The following ZNF85 variants were observed in gnomAD, a reference collection of about 807,000 sequenced individuals.
ZNF85 encodes the protein zinc finger protein 85 (HPF4, HTF1).
Under a neutral mutation model 53.9 loss-of-function variants are expected in ZNF85, and 50 were observed. The ratio of observed to expected loss-of-function variants is 0.93; its 90% CI spans 0.74 to 1.17. The LOEUF is 1.17. Among genes scored for constraint, ZNF85 ranks in the 50% most tolerant of loss-of-function variants. The probability of loss-of-function intolerance (pLI) is 0.00; values close to 1 mark genes in which losing one functional copy is unlikely to be tolerated. For missense variants in ZNF85, 747 were observed against 688.5 expected (o/e 1.08, Z -0.95); for synonymous variants, 225 against 226.1 (o/e 1.00, Z 0.04).
intron 1 of ZNF85, among the ~76,000 whole-genome samples, chr19:20,932,209 A>G (rs2161459): frequency 0.8 from 121,279 of 152,006 alleles, 48,584 homozygotes; most frequent in Non-Finnish European, 0.83. Context: ...AAAAGGAGGA[A>G]AAAGAGGAAA....
chr19:20,939,190 C>T (rs1474922551), intron 3 of ZNF85, among the ~76,000 whole-genome samples: 1 of 152,086 alleles, frequency 6.6e-6, no homozygotes, highest in African/African-American at 2.4e-5. Context: ...TATTGCAAAC[C>T]AGAGTTTAGG....
chr19:20,926,339 T>C (rs1263155485), intron 1 of ZNF85, among the ~76,000 whole-genome samples: 2 of 152,216 alleles, frequency 1.3e-5, no homozygotes, highest in East Asian at 3.8e-4. Flanking sequence ...CATGACTAAT[T>C]GTTTACTACA....
intron 1 of ZNF85, among the ~76,000 whole-genome samples, chr19:20,930,956 G>A (rs2144613302): frequency 6.6e-6 from 1 of 152,236 alleles, no homozygotes; most frequent in Middle Eastern, 3.4e-3. Flanking sequence ...TGTATTTTTA[G>A]TAGAGACTGC....
chr19:20,935,114 A>G (rs1055997049), intron 3 of ZNF85, 67 bp downstream of exon 3: 22 of 1,026,144 alleles, frequency 2.1e-5, no homozygotes, highest in Non-Finnish European at 4.3e-6. Context: ...AGAGAAAGCC[A>G]GTCCTTAAAA....
chr19:20,924,043 C>G (rs1016172857), intron 1 of ZNF85, among the ~76,000 whole-genome samples: 2 of 150,930 alleles, frequency 1.3e-5, no homozygotes, highest in African/African-American at 4.9e-5. Flanking sequence ...CTACATCGCG[C>G]CACTGCACTC....
chr19:20,950,361 C>T lies in ZNF85; in HGVS notation c.*59C>T. ...CTTACTAAACATAAGAAAATTTATACTGGAGAGAAACTACTAACCTGAAAG... is the reference window on the plus strand; with the variant it reads ...CTTACTAAACATAAGAAAATTTATATTGGAGAGAAACTACTAACCTGAAAG... On this transcript the variant is annotated 3_prime_UTR_variant, in exon 4 of 4. Coordinates refer to ENST00000328178, the MANE Select transcript of ZNF85 (RefSeq NM_003429.5). 8.1e-7 allele frequency: 1 copy of T among 1,235,772 alleles called. No homozygotes were observed. The highest frequency in any genetic ancestry group is 1.1e-6 in the Non-Finnish European group (1 of 904,820). 76.6% of individuals were successfully genotyped at this position (1,235,772 alleles called of 1,614,324 possible).
chr19:20,937,096 G>A (rs528779280), intron 3 of ZNF85: 63 of 255,274 alleles, frequency 2.5e-4, no homozygotes, highest in Non-Finnish European at 8.0e-5. Context: ...GCAGTGGCAC[G>A]ATCTCGGCTC....
At chr19:20,926,661 C>G (rs1283662013) in intron 1 of ZNF85, 1 of 152,144 alleles carries the variant, frequency 6.6e-6, no homozygotes, top group Non-Finnish European at 1.5e-5. Flanking sequence ...CCTGCTCACC[C>G]CAGCCATGGA....
chr19:20,940,755 G>A (rs1425414026), intron 3 of ZNF85, among the ~76,000 whole-genome samples: 2 of 151,878 alleles, frequency 1.3e-5, no homozygotes, highest in East Asian at 1.9e-4. Context: ...GAATAATATA[G>A]TATCTATAAT....
chr19:20,947,966 A>G lies in ZNF85; in HGVS notation c.230-778A>G, dbSNP rs192733503. Among the ~76,000 whole-genome samples, 284 of 152,092 alleles carry G rather than the reference A, an allele frequency of 1.9e-3. 4 individuals carry two copies. Among genetic ancestry groups the G allele is most frequent in the African/African-American group, 6.4e-3 (265 of 41,534 alleles). ...AAATTTTTATGTTTCTGATGGGGCT[A>G]TGTTGCCCCAATATTTTTATATGTT... On this transcript the variant is annotated intron_variant, in intron 3 of 3. Coordinates refer to ENST00000328178, the MANE Select transcript of ZNF85 (RefSeq NM_003429.5).
intron 3 of ZNF85, among the ~76,000 whole-genome samples, chr19:20,948,018 T>A (rs1052160666): frequency 6.6e-6 from 1 of 152,086 alleles, no homozygotes; most frequent in African/African-American, 2.4e-5. Flanking sequence ...ATTTAGACAT[T>A]AAAAACAAAC....
chr19:20,949,684 A>G lies in ZNF85; in HGVS notation c.1170A>G (p.Ile390Met). The G allele has an allele frequency of 6.2e-7, 1 of 1,613,350 alleles. No individual in the cohort carries two copies. The highest frequency in any genetic ancestry group is 8.5e-7 in the Non-Finnish European group (1 of 1,179,568). The part of the protein sequence containing the change: ...NHFSHLTTHK[I>M]IHTGEKPYKC... ...TCTCACACCTTACTACACATAAGAT[A>G]ATTCATACTGGAGAGAAACCTTACA... Residue 390 changes from isoleucine to methionine, a missense_variant, in exon 4 of 4, where the codon ATA becomes ATG. By Grantham distance (10) the Ile-to-Met change is conservative (BLOSUM62 1). Transcript: ENST00000328178.
chr19:20,931,774 A>T (rs1168172617), intron 1 of ZNF85, among the ~76,000 whole-genome samples: 2 of 151,456 alleles, frequency 1.3e-5, no homozygotes, highest in African/African-American at 2.4e-5. Context: ...CGCCTGGCTA[A>T]TTTTTTCTAT....
intron 3 of ZNF85, chr19:20,943,624 TG>T (rs1169514750): frequency 2.0e-5 from 3 of 152,202 alleles, no homozygotes; most frequent in Non-Finnish European, 2.9e-5. Flanking sequence ...TCTGTAACGT[TG>T]TCTAAGTTTT....
In ZNF85 at chr19:20,949,703, C is replaced by T; in HGVS notation, c.1189C>T (p.Pro397Ser). The change falls in exon 4 of 4, where the codon CCT (proline) becomes TCT (serine). Residue 397 changes from proline (P) to serine (S), a missense_variant. Transcript: ENST00000328178. ...TAAGATAATTCATACTGGAGAGAAA[C>T]CTTACAAATGTAAAGAATGTGGTAA... ...THKIIHTGEK[P>S]YKCKECGKAF... 1.2e-6 allele frequency: 2 copies of T among 1,613,114 alleles called. No homozygotes were observed. The highest frequency in any genetic ancestry group is 1.1e-5 in the South Asian group (1 of 91,024).
chr19:20,942,107 A>G (rs1483454164), intron 3 of ZNF85, among the ~76,000 whole-genome samples: 1 of 151,418 alleles, frequency 6.6e-6, no homozygotes, highest in Non-Finnish European at 1.5e-5. Flanking sequence ...TTCTTTGTTT[A>G]TCTGTTTTTG....
In ZNF85 at chr19:20,950,478, T is replaced by C. The variant is rs896528013; in HGVS notation, c.*176T>C. ...AATGTGAAGACTATGGCAAAGTCTT[T>C]AAATGGTTGTCACACTTTAGGTAAG... On this transcript the variant is annotated 3_prime_UTR_variant, in exon 4 of 4. Transcript: ENST00000328178. 7.6e-6 allele frequency: 3 copies of C among 392,464 alleles called. No homozygotes were observed. Among genetic ancestry groups the C allele is most frequent in the African/African-American group, 5.7e-5 (2 of 35,120 alleles). 24.3% of individuals were successfully genotyped at this position (392,464 alleles called of 1,614,324 possible). A position where few individuals can be genotyped will look rare whatever the true frequency, so the allele number is the denominator to read the frequency against.
Position 20,947,964 on chromosome 19 carries a change from C to T in ZNF85, c.230-780C>T, listed in dbSNP as rs568406192. ...TGAAATTTTTATGTTTCTGATGGGGCTATGTTGCCCCAATATTTTTATATG... is the reference window on the plus strand; with the variant it reads ...TGAAATTTTTATGTTTCTGATGGGGTTATGTTGCCCCAATATTTTTATATG... On this transcript the variant is annotated intron_variant, in intron 3 of 3. Transcript: ENST00000328178. Among the ~76,000 whole-genome samples, 3 of 151,916 alleles carry T rather than the reference C, an allele frequency of 2.0e-5. No homozygotes were observed. In the South Asian group the frequency reaches 6.2e-4, roughly 31 times the overall value.
At chr19:20,925,048 AG>A (rs1972847095) in intron 1 of ZNF85, among the ~76,000 whole-genome samples, 1 of 152,174 alleles carries the variant, frequency 6.6e-6, no homozygotes, top group Non-Finnish European at 1.5e-5. Flanking sequence ...TTTCTCTCAT[AG>A]GACAACCTGA....
Sources: gnomAD v4.1 joint callset for allele counts (sites outside exome capture counted in the v4.1 genomes callset) on GRCh38, gnomAD v4.1.1 for gene constraint, MANE v1.5 for transcripts, NCBI Gene and HGNC (gene_info 2026-07-23, HGNC 2026-07-21) for gene names.